Variants in NIT2 observed in about 807,000 individuals in gnomAD.
NIT2 encodes nitrilase family member 2.
Under a neutral mutation model 42.7 loss-of-function variants are expected in NIT2, and 46 were observed. That is an observed-to-expected ratio of 1.08 (90% CI 0.85 to 1.38). The LOEUF (loss-of-function observed/expected upper bound fraction) is 1.38, where lower values mean the gene tolerates loss of function less well. Ranked by LOEUF, NIT2 falls within the 40% of genes most tolerant of loss-of-function variation. NIT2 has a pLI of 0.00. For synonymous variants in NIT2, 123 were observed against 121.9 expected, an observed-to-expected ratio of 1.01 and a Z score of -0.06; for missense variants, 309 against 342.5, an observed-to-expected ratio of 0.90 and a Z score of 0.77.
intron 1 of NIT2, among the ~76,000 whole-genome samples, chr3:100,335,606 T>C (rs1244898061): frequency 2.0e-5 from 3 of 152,216 alleles, no homozygotes; most frequent in Non-Finnish European, 4.4e-5. Context: ...TGCAGAATGA[T>C]AGGCAGTCCT....
intron 4 of NIT2, among the ~76,000 whole-genome samples, chr3:100,341,626 C>T (rs185184494): frequency 1.6e-4 from 25 of 152,222 alleles, no homozygotes; most frequent in Admixed American, 1.1e-3. Context: ...CCTCAGCCTC[C>T]TAAAGTGCTG....
chr3:100,345,207 C>T (rs1576200803), intron 4 of NIT2, among the ~76,000 whole-genome samples: 1 of 152,294 alleles, frequency 6.6e-6, no homozygotes, highest in African/African-American at 2.4e-5. Flanking sequence ...GATCCGCCCA[C>T]CTCGGCCTCC....
intron 9 of NIT2, among the ~76,000 whole-genome samples, 161 bp downstream of exon 9, chr3:100,354,988 G>A (rs986757320): frequency 6.6e-5 from 10 of 152,110 alleles, no homozygotes; most frequent in Non-Finnish European, 1.5e-4. Context: ...CCAATCCCTG[G>A]GGAGTGTATC....
intron 3 of NIT2, among the ~76,000 whole-genome samples, chr3:100,340,652 C>T (rs1055116035): frequency 6.6e-6 from 1 of 150,452 alleles, no homozygotes; most frequent in African/African-American, 2.4e-5. Flanking sequence ...TTTTGGGACA[C>T]AGTTTTGTTG....
At chr3:100,340,325 C>T (rs1418416158) in intron 3 of NIT2, among the ~76,000 whole-genome samples, 3 of 152,104 alleles carry the variant, frequency 2.0e-5, no homozygotes, top group Non-Finnish European at 4.4e-5. Context: ...CTTGGCCTTC[C>T]AAAGTGCTAG....
chr3:100,352,568 A>G, intron 8 of NIT2, 66 bp downstream of exon 8: 1 of 1,269,308 alleles, frequency 7.9e-7, no homozygotes, highest in Admixed American at 1.7e-5. Context: ...TCGTTGGCAG[A>G]TGGGTTTTCT....
At chr3:100,343,302 CCTTTTT>C (rs1706175977) in intron 4 of NIT2, among the ~76,000 whole-genome samples, 1 of 151,610 alleles carries the variant, frequency 6.6e-6, no homozygotes, top group Non-Finnish European at 1.5e-5. Flanking sequence ...TTTTTCTGTT[CCTTTTT>C]CTTATGGAGC....
At chr3:100,343,966 A>G (rs939432191) in intron 4 of NIT2, among the ~76,000 whole-genome samples, 2 of 152,248 alleles carry the variant, frequency 1.3e-5, no homozygotes, top group Non-Finnish European at 2.9e-5. Context: ...GCCGCACCCA[A>G]ACACCAAACT....
At chr3:100,346,289 C>A in intron 6 of NIT2, 34 bp downstream of exon 6, 1 of 1,586,422 alleles carries the variant, frequency 6.3e-7, no homozygotes, top group South Asian at 1.1e-5. Context: ...TATGTGGGTG[C>A]TTGGAGGCTT....
intron 1 of NIT2, among the ~76,000 whole-genome samples, chr3:100,335,960 G>T (rs1020059914): frequency 6.6e-6 from 1 of 152,234 alleles, no homozygotes; most frequent in Non-Finnish European, 1.5e-5. Context: ...GAGACGTTTA[G>T]TGGATTTATC....
At chr3:100,353,037 C>T (rs372822127) in intron 8 of NIT2, among the ~76,000 whole-genome samples, 7 of 152,190 alleles carry the variant, frequency 4.6e-5, no homozygotes, top group Admixed American at 1.3e-4. Context: ...TACAGTCATA[C>T]GCTCATACGC....
chr3:100,334,963 G>C, intron 1 of NIT2, 165 bp downstream of exon 1: 1 of 641,560 alleles, frequency 1.6e-6, no homozygotes, highest in Non-Finnish European at 2.3e-6. Context: ...CGCGTGGCCG[G>C]GCGGCCGGGC....
chr3:100,335,690 C>A (rs912926674), intron 1 of NIT2, among the ~76,000 whole-genome samples: 1 of 152,192 alleles, frequency 6.6e-6, no homozygotes, highest in Non-Finnish European at 1.5e-5. Flanking sequence ...CCATGGTGAG[C>A]TTTATCTTTC....
chr3:100,353,030 A>G (rs1052275202), intron 8 of NIT2, among the ~76,000 whole-genome samples: 1 of 152,264 alleles, frequency 6.6e-6, no homozygotes, highest in Non-Finnish European at 1.5e-5. Context: ...ACAGAATTAC[A>G]GTCATACGCT....
At chr3:100,351,582 C>T (rs1576203367) in intron 7 of NIT2, among the ~76,000 whole-genome samples, 1 of 152,224 alleles carries the variant, frequency 6.6e-6, no homozygotes, top group Non-Finnish European at 1.5e-5. Context: ...GGATCCCTTC[C>T]TTACACTTTA....
intron 6 of NIT2, 126 bp downstream of exon 6, chr3:100,346,381 C>A (rs933873469): frequency 1.2e-6 from 1 of 801,576 alleles, no homozygotes; most frequent in Admixed American, 2.3e-5. Context: ...TCAGCCCTTT[C>A]ACCCCCATGA....
chr3:100,349,809 C>T (rs1007763919), intron 7 of NIT2: 5 of 152,144 alleles, frequency 3.3e-5, no homozygotes, highest in African/African-American at 1.2e-4. Flanking sequence ...CCTTAGTCTT[C>T]TAAGGCTGAG....
intron 4 of NIT2, among the ~76,000 whole-genome samples, chr3:100,345,282 G>A (rs1476452913): frequency 1.3e-5 from 2 of 152,082 alleles, no homozygotes; most frequent in African/African-American, 4.8e-5. Context: ...TCTTTATTTA[G>A]CATTTATATT....
At chr3:100,345,110 A>AC (rs1449892494) in intron 4 of NIT2, among the ~76,000 whole-genome samples, 1 of 145,408 alleles carries the variant, frequency 6.9e-6, no homozygotes, top group African/African-American at 2.6e-5. Context: ...ACGCACAACC[A>AC]CCCCCGGCTA....
Sources: allele counts gnomAD v4.1 joint callset (sites outside exome capture counted in the v4.1 genomes callset), GRCh38; gene constraint gnomAD v4.1.1; transcripts MANE v1.5; gene names NCBI Gene and HGNC (gene_info 2026-07-23, HGNC 2026-07-21).